The following PCDH9 variants were observed in gnomAD, a reference collection of about 807,000 sequenced individuals.
PCDH9 encodes protocadherin-9.
Under a neutral mutation model 70.6 loss-of-function variants are expected in PCDH9, and 24 were observed. That is an observed-to-expected ratio of 0.34 (90% CI 0.25 to 0.48). PCDH9 has a LOEUF of 0.48. Among genes scored for constraint, PCDH9 ranks in the 20% least tolerant of loss-of-function variants. The pLI, the probability that PCDH9 is intolerant of heterozygous loss-of-function variation, is 0.99. For missense variants in PCDH9, 1,281 were observed against 1,503.6 expected (o/e 0.85, Z 2.45); for synonymous variants, 562 against 558.5 (o/e 1.01, Z -0.09).
chr13:66,885,626 T>C (rs562792124), intron 3 of PCDH9, among the ~76,000 whole-genome samples: 17 of 152,200 alleles, frequency 1.1e-4, no homozygotes, highest in East Asian at 3.9e-4. Flanking sequence ...AACTAGCTAA[T>C]GTTCCAATTC....
chr13:66,379,264 C>T (rs1159573997), intron 4 of PCDH9, among the ~76,000 whole-genome samples: 1 of 152,166 alleles, frequency 6.6e-6, no homozygotes. Flanking sequence ...CTGAGTGCAA[C>T]TTACAAACAG....
intron 2 of PCDH9, among the ~76,000 whole-genome samples, chr13:67,062,240 G>C (rs894516300): frequency 5.3e-5 from 8 of 152,076 alleles, no homozygotes; most frequent in African/African-American, 1.9e-4. Context: ...TAGATAGATA[G>C]ATTAAAAAAT....
intron 4 of PCDH9, among the ~76,000 whole-genome samples, chr13:66,414,956 C>T (rs1180723556): frequency 6.6e-6 from 1 of 151,982 alleles, no homozygotes; most frequent in African/African-American, 2.4e-5. Context: ...AAATAATGTA[C>T]TGTTAAAATA....
chr13:66,867,785 A>C (rs1284870163), intron 3 of PCDH9, among the ~76,000 whole-genome samples: 1 of 151,964 alleles, frequency 6.6e-6, no homozygotes, highest in Non-Finnish European at 1.5e-5. Flanking sequence ...CAAGTATAGA[A>C]TCTGACCCTA....
At chr13:67,204,643 T>C (rs965256724) in intron 2 of PCDH9, 5 of 152,184 alleles carry the variant, frequency 3.3e-5, no homozygotes, top group Admixed American at 1.3e-4. Flanking sequence ...TGCCTGCCTG[T>C]CACAATCACA....
At chr13:66,447,953 A>C (rs886736732) in intron 4 of PCDH9, among the ~76,000 whole-genome samples, 3 of 152,116 alleles carry the variant, frequency 2.0e-5, no homozygotes, top group African/African-American at 7.2e-5. Flanking sequence ...AGAAGAAAAA[A>C]TCCTACCTCT....
chr13:66,819,426 C>A (rs911338345), intron 3 of PCDH9, among the ~76,000 whole-genome samples: 11 of 151,964 alleles, frequency 7.2e-5, no homozygotes, highest in African/African-American at 2.7e-4. Flanking sequence ...GATTTGATTA[C>A]CTCCTCATCT....
chr13:67,225,097 T>C (rs193249104), intron 2 of PCDH9: 2 of 1,239,590 alleles, frequency 1.6e-6, no homozygotes, highest in Non-Finnish European at 2.0e-6. Flanking sequence ...GAATTTGGCA[T>C]ATCAGGACAG....
intron 3 of PCDH9, among the ~76,000 whole-genome samples, chr13:66,714,391 G>A (rs1346969544): frequency 1.3e-5 from 2 of 151,640 alleles, no homozygotes; most frequent in South Asian, 2.1e-4. Context: ...AGTGAACCGG[G>A]AGGTGGAGCT....
At chr13:67,152,923 A>G (rs2087698919) in intron 2 of PCDH9, among the ~76,000 whole-genome samples, 1 of 152,114 alleles carries the variant, frequency 6.6e-6, no homozygotes, top group Non-Finnish European at 1.5e-5. Context: ...TTTTCTTTCT[A>G]AAACGCATAG....
intron 3 of PCDH9, among the ~76,000 whole-genome samples, chr13:66,820,326 T>A (rs936984172): frequency 1.3e-5 from 2 of 152,184 alleles, no homozygotes; most frequent in Non-Finnish European, 2.9e-5. Context: ...TTTTAGTCGA[T>A]ACCCCTAGAT....
At chr13:66,673,007 G>A (rs1329608489) in intron 3 of PCDH9, among the ~76,000 whole-genome samples, 2 of 152,180 alleles carry the variant, frequency 1.3e-5, no homozygotes, top group African/African-American at 4.8e-5. Context: ...GCTGAAATGA[G>A]TTAAGACTTT....
chr13:66,411,961 A>G (rs1309850345), intron 4 of PCDH9, among the ~76,000 whole-genome samples: 1 of 152,188 alleles, frequency 6.6e-6, no homozygotes, highest in African/African-American at 2.4e-5. Context: ...ACTATTTTCA[A>G]GTAACTGTTC....
chr13:66,447,872 T>C (rs1489490601), intron 4 of PCDH9, among the ~76,000 whole-genome samples: 2 of 152,148 alleles, frequency 1.3e-5, no homozygotes, highest in African/African-American at 4.8e-5. Context: ...CCAACTCAAC[T>C]GATTTTCAAG....
At chr13:67,198,722 CA>C (rs1455269745) in intron 2 of PCDH9, among the ~76,000 whole-genome samples, 1 of 151,746 alleles carries the variant, frequency 6.6e-6, no homozygotes, top group Non-Finnish European at 1.5e-5. Flanking sequence ...AATAATGATT[CA>C]TTTAAACTAA....
At chr13:67,095,768 A>T (rs2138224643) in intron 2 of PCDH9, among the ~76,000 whole-genome samples, 1 of 152,302 alleles carries the variant, frequency 6.6e-6, no homozygotes, top group South Asian at 2.1e-4. Context: ...CCAACTACAT[A>T]AATATAAAGC....
At chr13:66,497,873 T>C (rs1030673444) in intron 4 of PCDH9, among the ~76,000 whole-genome samples, 6 of 143,278 alleles carry the variant, frequency 4.2e-5, no homozygotes, top group Admixed American at 2.2e-4. Flanking sequence ...GGCTGGAGCA[T>C]AGTGGTGTGA....
rs116015317 is a variant in PCDH9 at position 67,071,545 on chromosome 13, C to A, written c.3036+153860G>T. On this transcript the variant is annotated intron_variant, in intron 2 of 4. Coordinates refer to ENST00000377865, the MANE Select transcript of PCDH9 (RefSeq NM_203487.3). ...AATTTTTTTCTATGTAAATAGAACA[C>A]AAATTTATTGAAAGTTTATCAATAA... is the stretch of plus-strand genomic sequence containing the variant. Among the ~76,000 whole-genome samples, 1,092 of 152,108 alleles carry A rather than the reference C, an allele frequency of 7.2e-3. 10 individuals are homozygous for A. Among genetic ancestry groups the A allele is most frequent in the African/African-American group, 0.025 (1,025 of 41,506 alleles).
At chr13:66,815,906 A>G (rs1384622667) in intron 3 of PCDH9, among the ~76,000 whole-genome samples, 1 of 152,208 alleles carries the variant, frequency 6.6e-6, no homozygotes, top group Non-Finnish European at 1.5e-5. Flanking sequence ...TGCACCCCGA[A>G]CCTAACATGA....
Sources: allele counts gnomAD v4.1 joint callset (sites outside exome capture counted in the v4.1 genomes callset), GRCh38; gene constraint gnomAD v4.1.1; transcripts MANE v1.5; gene names NCBI Gene and HGNC (gene_info 2026-07-23, HGNC 2026-07-21).